The following COPS8 variants were observed in gnomAD, a reference collection of about 807,000 sequenced individuals.
The protein encoded by COPS8 is COP9 signalosome complex subunit 8.
In COPS8, 11 loss-of-function variants were observed where a neutral mutation model predicts 31.5. The observed-to-expected ratio is 0.35, with a 90% CI of 0.22 to 0.58. The LOEUF is 0.58. COPS8 is among the 20% of genes least tolerant of loss of function. The pLI is 0.83. For synonymous variants in COPS8, 81 were observed against 89.3 expected, an observed-to-expected ratio of 0.91 and a Z score of 0.52; for missense variants, 215 against 255.1, an observed-to-expected ratio of 0.84 and a Z score of 1.07.
intron 4 of COPS8, among the ~76,000 whole-genome samples, chr2:237,093,108 G>A (rs1266182397): frequency 2.6e-5 from 4 of 152,138 alleles, no homozygotes; most frequent in Non-Finnish European, 5.9e-5. Flanking sequence ...CTTAGGAATG[G>A]TAGAGAGCAG....
At chr2:237,093,986 C>A in intron 4 of COPS8, 104 bp from the exon 5 acceptor site, 1 of 1,497,428 alleles carries the variant, frequency 6.7e-7, no homozygotes, top group Admixed American at 2.2e-5. Context: ...TTCATCTGGC[C>A]TTGCTTATGA....
At position 237,092,580 on chromosome 2, in the gene COPS8, C is replaced by T. The variant is rs75807386; in HGVS notation, c.332-1510C>T. Among the ~76,000 whole-genome samples, 821 of 152,038 alleles carry T rather than the reference C, an allele frequency of 5.4e-3. 8 individuals carry two copies. Among genetic ancestry groups the T allele is most frequent in the African/African-American group, 0.017 (696 of 41,486 alleles). On this transcript the variant is annotated intron_variant, in intron 4 of 7. Transcript: ENST00000354371. Reference sequence around the variant, plus strand: ...AAAAGTATACTTTCCATTGTTGGCTCTTTTCCATTGTTGGCTCAGTTCTTT... The same window carrying T: ...AAAAGTATACTTTCCATTGTTGGCTTTTTTCCATTGTTGGCTCAGTTCTTT...
chr2:237,093,395 T>C (rs1457664792), intron 4 of COPS8, among the ~76,000 whole-genome samples: 1 of 152,208 alleles, frequency 6.6e-6, no homozygotes, highest in Non-Finnish European at 1.5e-5. Context: ...GCATTACCAA[T>C]GAGCAATGCC....
chr2:237,086,147 C>G, intron 1 of COPS8, 105 bp downstream of exon 1: 2 of 1,102,168 alleles, frequency 1.8e-6, no homozygotes, highest in African/African-American at 1.6e-5. Flanking sequence ...GCTTTGGGAG[C>G]TCACGGGGCG....
chr2:237,095,751 C>A, intron 5 of COPS8, 71 bp from the exon 6 acceptor site: 2 of 1,010,766 alleles, frequency 2.0e-6, no homozygotes, highest in South Asian at 1.3e-5. Flanking sequence ...CAACTAATGT[C>A]ATGGACAAGT....
At chr2:237,097,367 T>A (rs542916222) in intron 7 of COPS8, among the ~76,000 whole-genome samples, 1 of 152,026 alleles carries the variant, frequency 6.6e-6, no homozygotes, top group Non-Finnish European at 1.5e-5. Flanking sequence ...TTAAAAGACA[T>A]GTTGCATGAT....
chr2:237,096,289 C>T (rs1696799710), intron 6 of COPS8, among the ~76,000 whole-genome samples: 1 of 152,156 alleles, frequency 6.6e-6, no homozygotes, highest in Non-Finnish European at 1.5e-5. Context: ...CTGTGGCTTC[C>T]ACTTTCACAG....
intron 4 of COPS8, among the ~76,000 whole-genome samples, chr2:237,090,444 A>G (rs1194895352): frequency 6.6e-6 from 1 of 152,224 alleles, no homozygotes; most frequent in Non-Finnish European, 1.5e-5. Context: ...TTGAAAGATT[A>G]CAAGCCTGGT....
At chr2:237,090,968 A>T (rs1417610697) in intron 4 of COPS8, among the ~76,000 whole-genome samples, 2 of 152,192 alleles carry the variant, frequency 1.3e-5, no homozygotes, top group Non-Finnish European at 2.9e-5. Flanking sequence ...TCTTCATATA[A>T]GCCCTGAGGA....
At chr2:237,096,141 A>G (rs1451596936) in intron 6 of COPS8, among the ~76,000 whole-genome samples, 1 of 152,106 alleles carries the variant, frequency 6.6e-6, no homozygotes, top group African/African-American at 2.4e-5. Flanking sequence ...ACTAAATATT[A>G]ATCTCCATCC....
At chr2:237,097,586 G>GGGGA (rs1696828350) in intron 7 of COPS8, 77 bp from the exon 8 acceptor site, 1 of 951,636 alleles carries the variant, frequency 1.1e-6, no homozygotes, top group Non-Finnish European at 1.7e-6. Context: ...GAAGGCATTA[G>GGGGA]GGGAGGTAGG....
chr2:237,085,913 C>A lies in COPS8; in HGVS notation c.-52C>A. ...CATCGCGGGCGCGACGCCTGAGGGA[C>A]AGTCTGGGGTTTGGCTGTCCGGACG... On this transcript the variant is annotated 5_prime_UTR_variant, in exon 1 of 8. Transcript: ENST00000354371. The A allele has an allele frequency of 2.6e-6, 4 of 1,560,050 alleles. No homozygotes were observed. Among genetic ancestry groups the A allele is most frequent in the Non-Finnish European group, 3.5e-6 (4 of 1,139,654 alleles).
intron 5 of COPS8, among the ~76,000 whole-genome samples, chr2:237,094,734 C>G (rs865807798): frequency 6.6e-6 from 1 of 151,994 alleles, no homozygotes; most frequent in Non-Finnish European, 1.5e-5. Flanking sequence ...GAGGCCGAGG[C>G]GGGTGGATCA....
rs1696873880 is a variant in COPS8, at chr2:237,100,452, ACT to A, written c.*2715_*2716del. The A allele has an allele frequency of 6.6e-6, 1 of 152,002 alleles. No individual in the cohort carries two copies. The highest frequency in any genetic ancestry group is 2.1e-4 in the South Asian group (1 of 4,820). The allele number at this position is 152,002 out of a possible 1,614,324, so 9.4% of individuals were successfully genotyped here. A position where few individuals can be genotyped will look rare whatever the true frequency, so the allele number is the denominator to read the frequency against. On this transcript the variant is annotated 3_prime_UTR_variant, in exon 8 of 8. Coordinates refer to ENST00000354371, the MANE Select transcript of COPS8 (RefSeq NM_006710.5). ...TGTGAACATGACATGGTGAATAAAC[ACT>A]CTCTTCCTTGTCTCAGGGCAGACTA...
intron 1 of COPS8, chr2:237,086,608 A>G (rs887420134): frequency 5.0e-5 from 8 of 159,196 alleles, no homozygotes; most frequent in Non-Finnish European, 9.5e-5. Flanking sequence ...TTTAAAATTA[A>G]ATAAAGGAGA....
intron 3 of COPS8, 71 bp downstream of exon 3, chr2:237,088,724 G>T: frequency 1.0e-6 from 1 of 986,616 alleles, no homozygotes; most frequent in Non-Finnish European, 1.5e-6. Context: ...CCTTTTATAA[G>T]CTTATGTTTT....
chr2:237,095,743 A>G (rs1696787538), intron 5 of COPS8, 79 bp from the exon 6 acceptor site: 1 of 933,138 alleles, frequency 1.1e-6, no homozygotes, highest in African/African-American at 1.6e-5. Flanking sequence ...CTTCTGTACA[A>G]CTAATGTCAT....
chr2:237,097,759 C>T lies in COPS8; in HGVS notation c.*17C>T, dbSNP rs762675722. The T allele has an allele frequency of 5.2e-5, 81 of 1,570,784 alleles. No individual in the cohort carries two copies. The African/African-American group carries it at 1.0e-3, about 20-fold the overall frequency. On this transcript the variant is annotated 3_prime_UTR_variant, in exon 8 of 8. Coordinates refer to ENST00000354371, the MANE Select transcript of COPS8 (RefSeq NM_006710.5). Reference sequence around the variant, plus strand: ...GAAAACTGATTTATCACTCTGAGTTCAAGATTCATCTTCAGAATCCTGTAT... The same window carrying T: ...GAAAACTGATTTATCACTCTGAGTTTAAGATTCATCTTCAGAATCCTGTAT...
chr2:237,097,224 CTTTTT>C (rs996251270), intron 7 of COPS8, among the ~76,000 whole-genome samples: 1 of 95,986 alleles, frequency 1.0e-5, no homozygotes, highest in Non-Finnish European at 2.2e-5. Context: ...TGTGGGTTTT[CTTTTT>C]TTTTTTTTTT....
Sources: gnomAD v4.1 joint callset for allele counts (sites outside exome capture counted in the v4.1 genomes callset) on GRCh38, gnomAD v4.1.1 for gene constraint, MANE v1.5 for transcripts, NCBI Gene and HGNC (gene_info 2026-07-23, HGNC 2026-07-21) for gene names.